Variants in RBM46 observed in about 807,000 individuals in gnomAD.
RBM46 encodes the protein RNA binding motif protein 46, also known as probable RNA-binding protein 46.
A neutral mutation model predicts 43.3 loss-of-function variants in RBM46; 12 were observed. The observed-to-expected ratio is 0.28, with a 90% confidence interval of 0.18 to 0.45. The LOEUF (loss-of-function observed/expected upper bound fraction) is 0.45, where lower values mean the gene tolerates loss of function less well. Among genes scored for constraint, RBM46 ranks in the 20% least tolerant of loss-of-function variants. The pLI is 1.00. For missense variants in RBM46, 412 were observed against 639.1 expected, an observed-to-expected ratio of 0.64 and a Z score of 3.83; for synonymous variants, 205 against 207.6, an observed-to-expected ratio of 0.99 and a Z score of 0.11.
chr4:154,792,914 A>T (rs1011589130), intron 1 of RBM46, among the ~76,000 whole-genome samples: 3 of 152,182 alleles, frequency 2.0e-5, no homozygotes, highest in Admixed American at 6.5e-5. Flanking sequence ...GAAACCCCTG[A>T]AAGGGCTTTT....
rs140673145 is a variant in RBM46 at position 154,797,906 on chromosome 4, A to G, written c.247A>G (p.Arg83Gly). Residue 83 changes from arginine (R) to glycine (G), a missense_variant, in exon 3 of 5, where the codon AGA (arginine) becomes GGA (glycine). Physicochemically the swap from Arg to Gly is moderately radical, Grantham distance 125. Coordinates refer to ENST00000281722, the MANE Select transcript of RBM46 (RefSeq NM_144979.5). Reference protein sequence around the residue: ...YEDELVPVFERAGKIYEFRLM... With the variant: ...YEDELVPVFEGAGKIYEFRLM... The stretch of plus-strand genomic sequence containing the variant: ...AGATGAGTTAGTTCCTGTATTTGAA[A>G]GAGCTGGGAAGATATATGAATTTCG... The G allele has an allele frequency of 3.7e-6, 6 of 1,609,322 alleles. No homozygotes were observed. In the African/African-American group the frequency reaches 8.0e-5, roughly 22 times the overall value.
At chr4:154,809,737 C>CT (rs1735088390) in intron 4 of RBM46, among the ~76,000 whole-genome samples, 1 of 152,122 alleles carries the variant, frequency 6.6e-6, no homozygotes, top group Non-Finnish European at 1.5e-5. Flanking sequence ...AGTCTGCCCT[C>CT]TGTTTTTTCT....
At chr4:154,803,702 C>CAAAAA (rs35506499) in intron 4 of RBM46, among the ~76,000 whole-genome samples, 2 of 41,324 alleles carry the variant, frequency 4.8e-5, no homozygotes, top group African/African-American at 8.8e-5. Flanking sequence ...GACTACGTCT[C>CAAAAA]AAAAAAAAAA....
chr4:154,802,104 C>T (rs1333622116), intron 4 of RBM46, among the ~76,000 whole-genome samples: 1 of 152,070 alleles, frequency 6.6e-6, no homozygotes, highest in Admixed American at 6.6e-5. Context: ...TAAACAAAAC[C>T]CTAGGTCCTA....
chr4:154,797,025 T>TA (rs2111127696), intron 2 of RBM46, 122 bp downstream of exon 2: 1 of 735,898 alleles, frequency 1.4e-6, no homozygotes, highest in Admixed American at 3.2e-5. Flanking sequence ...AGACATTTTT[T>TA]TTTTTACTGT....
At chr4:154,819,759 A>T (rs960546241) in intron 4 of RBM46, among the ~76,000 whole-genome samples, 7 of 152,152 alleles carry the variant, frequency 4.6e-5, no homozygotes, top group African/African-American at 1.7e-4. Context: ...TTGGATATAC[A>T]TCCATAACAG....
At chr4:154,820,381 T>C (rs1735668376) in intron 4 of RBM46, 1 of 1,526,632 alleles carries the variant, frequency 6.6e-7, no homozygotes, top group Non-Finnish European at 8.8e-7. Context: ...CACAATCTCT[T>C]CAGCCTGGAC....
At chr4:154,827,710 A>G (rs1017413104) in intron 4 of RBM46, 158 bp from the exon 5 acceptor site, 9 of 1,452,082 alleles carry the variant, frequency 6.2e-6, no homozygotes, top group South Asian at 1.5e-5. Flanking sequence ...AGTGCAGTGA[A>G]TGCTGAAATA....
intron 4 of RBM46, chr4:154,827,182 A>G (rs1736008156): frequency 1.1e-6 from 1 of 903,096 alleles, no homozygotes. Context: ...TTATTTTTTA[A>G]TAATTTGGTT....
chr4:154,826,921 G>A, intron 4 of RBM46: 3 of 1,328,994 alleles, frequency 2.3e-6, no homozygotes, highest in Non-Finnish European at 2.9e-6. Context: ...AACCTTACCT[G>A]TACATTAGAT....
At chr4:154,809,859 T>C (rs185365413) in intron 4 of RBM46, among the ~76,000 whole-genome samples, 2 of 152,140 alleles carry the variant, frequency 1.3e-5, no homozygotes, top group African/African-American at 4.8e-5. Flanking sequence ...ATTCAGATTT[T>C]AAATTGGAGA....
chr4:154,826,767 G>A, intron 4 of RBM46: 1 of 1,323,606 alleles, frequency 7.6e-7, no homozygotes, highest in Non-Finnish European at 1.0e-6. Flanking sequence ...TCCTGAACTA[G>A]GTCCTTTCTG....
chr4:154,791,971 C>G (rs1264971492), intron 1 of RBM46, among the ~76,000 whole-genome samples: 1 of 151,848 alleles, frequency 6.6e-6, no homozygotes, highest in East Asian at 1.9e-4. Flanking sequence ...ATGTTATAAT[C>G]TAAAAAAAAT....
chr4:154,800,618 C>T (rs1734588262), intron 4 of RBM46, among the ~76,000 whole-genome samples: 1 of 149,830 alleles, frequency 6.7e-6, no homozygotes, highest in South Asian at 2.2e-4. Context: ...CCCCCTCCTC[C>T]ACCCCCCAAA....
intron 1 of RBM46, among the ~76,000 whole-genome samples, chr4:154,788,884 G>T (rs1349967367): frequency 6.6e-6 from 1 of 152,092 alleles, no homozygotes; most frequent in Non-Finnish European, 1.5e-5. Flanking sequence ...AGTTCTCCTT[G>T]AAGAGGTCCT....
At chr4:154,792,248 T>C (rs1734131487) in intron 1 of RBM46, among the ~76,000 whole-genome samples, 1 of 152,186 alleles carries the variant, frequency 6.6e-6, no homozygotes, top group Non-Finnish European at 1.5e-5. Context: ...TACAGATTAC[T>C]ATAAATAATA....
intron 2 of RBM46, among the ~76,000 whole-genome samples, chr4:154,797,448 A>G (rs1311793713): frequency 6.6e-6 from 1 of 152,074 alleles, no homozygotes; most frequent in Non-Finnish European, 1.5e-5. Flanking sequence ...TCCATAATCT[A>G]TGTTGCTCTG....
At chr4:154,826,966 C>T in intron 4 of RBM46, 1 of 1,293,628 alleles carries the variant, frequency 7.7e-7, no homozygotes, top group Non-Finnish European at 9.8e-7. Flanking sequence ...CTAGAAACAC[C>T]ATAATGTTTC....
intron 4 of RBM46, among the ~76,000 whole-genome samples, chr4:154,801,180 C>T (rs1036325249): frequency 2.0e-5 from 3 of 151,978 alleles, no homozygotes; most frequent in Non-Finnish European, 4.4e-5. Flanking sequence ...GGTTTCACGA[C>T]GTTGGCCAGG....
Sources: allele counts gnomAD v4.1 joint callset (sites outside exome capture counted in the v4.1 genomes callset), GRCh38; gene constraint gnomAD v4.1.1; transcripts MANE v1.5; gene names NCBI Gene and HGNC (gene_info 2026-07-23, HGNC 2026-07-21).